The following FAM187A variants were observed in gnomAD, a reference collection of about 807,000 sequenced individuals.
FAM187A encodes the protein family with sequence similarity 187 member A, also known as Ig-like V-type domain-containing protein FAM187A.
FAM187A carries 4 observed loss-of-function variants against 6.4 expected under a neutral mutation model. That is an observed-to-expected ratio of 0.63 (90% CI 0.31 to 1.44). The LOEUF is 1.44. Ranked by LOEUF, FAM187A falls within the 40% of genes most tolerant of loss-of-function variation. The pLI is 0.07. For missense variants in FAM187A, 463 were observed against 542.2 expected, an observed-to-expected ratio of 0.85 and a Z score of 1.45; for synonymous variants, 221 against 213.4, an observed-to-expected ratio of 1.04 and a Z score of -0.31.
chr17:44,904,500 G>A (rs761338106), exon 4 of FAM187A: 12 of 1,549,074 alleles, frequency 7.7e-6, no homozygotes, highest in South Asian at 3.6e-5. Flanking sequence ...AGGAAGCTGC[G>A]GACCAAGGCC....
chr17:44,904,228 T>C, exon 4 of FAM187A: 2 of 1,550,546 alleles, frequency 1.3e-6, no homozygotes, highest in Non-Finnish European at 1.7e-6. Context: ...GGGACTACTT[T>C]TACGCCTACG....
exon 4 of FAM187A, chr17:44,904,431 C>T (rs1404828331): frequency 4.5e-6 from 7 of 1,541,112 alleles, no homozygotes; most frequent in Non-Finnish European, 6.1e-6. Flanking sequence ...CCAGACCTCT[C>T]CCCACGCTAC....
At chr17:44,905,141 G>A in exon 4 of FAM187A, 1 of 1,278,964 alleles carries the variant, frequency 7.8e-7, no homozygotes. Flanking sequence ...ATGTCTCTGG[G>A]TGGGTACCCT....
rs886053015 is a variant in FAM187A at position 44,903,604 on chromosome 17, C to T, written c.-226C>T. On this transcript the variant is annotated 5_prime_UTR_variant, in exon 4 of 4. Transcript: ENST00000331733. ...CCAGGTTCTAGAATGGCTTTCCCCC[C>T]CCACCCTGAGATCAGGTCTGGAATG... The T allele has an allele frequency of 1.0e-5, 14 of 1,405,360 alleles. No individual in the cohort carries two copies. The East Asian group carries it at 3.1e-4, about 31-fold the overall frequency. 87.1% of individuals were successfully genotyped at this position (1,405,360 alleles called of 1,614,324 possible).
chr17:44,904,633 G>A lies in FAM187A; in HGVS notation c.804G>A (p.Trp268Ter), dbSNP rs1567767755. Reference sequence around the variant, plus strand: ...TGTCCAAAGTGGGCAGCCGGCCCTGGGTGCCCCAGGTGCCCATTCAGTTCC... The same window carrying A: ...TGTCCAAAGTGGGCAGCCGGCCCTGAGTGCCCCAGGTGCCCATTCAGTTCC... Residue 268 changes from tryptophan to a stop codon, truncating the protein, a stop_gained, in exon 4 of 4, where the codon TGG (tryptophan) becomes TGA (stop). Coordinates refer to ENST00000331733, the Ensembl canonical transcript of FAM187A. LOFTEE classifies it low-confidence loss of function (END_TRUNC). The A allele has an allele frequency of 6.4e-7, 1 of 1,550,512 alleles. No individual in the cohort carries two copies.
At chr17:44,904,397 A>G (rs2051617086) in exon 4 of FAM187A, 2 of 1,542,560 alleles carry the variant, frequency 1.3e-6, no homozygotes, top group African/African-American at 2.7e-5. Context: ...GCAGTGGCGC[A>G]TCGGCCTCTG....
rs2051636034 is a variant in FAM187A at position 44,905,168 on chromosome 17, T to A, written c.*97T>A. 6.4e-6 allele frequency: 6 copies of A among 934,512 alleles called. No homozygotes were observed. The South Asian group carries it at 8.6e-5, about 13-fold the overall frequency. The allele number at this position is 934,512 out of a possible 1,614,324, so 57.9% of individuals were successfully genotyped here. ...GGGTACCCTGGGTTGGGACAGGTGG[T>A]AGGAACATGTGGACAAATCTGTTAC... On this transcript the variant is annotated 3_prime_UTR_variant, in exon 4 of 4. Transcript: ENST00000331733.
At chr17:44,903,543 G>A in exon 4 of FAM187A, 1 of 1,349,678 alleles carries the variant, frequency 7.4e-7, no homozygotes, top group Non-Finnish European at 9.5e-7. Context: ...ACCCATTCTT[G>A]GGTGAGCGCC....
chr17:44,903,859 G>A, exon 4 of FAM187A: 1 of 1,537,136 alleles, frequency 6.5e-7, no homozygotes, highest in Non-Finnish European at 8.8e-7. Flanking sequence ...CTGTGCTCCT[G>A]TGGGCATGGG....
At position 44,903,598 on chromosome 17, in the gene FAM187A, T is replaced by TC. The variant is rs200686466; in HGVS notation, c.-224dup. On this transcript the variant is annotated 5_prime_UTR_variant, in exon 4 of 4. It introduces an in-frame stop codon into an upstream open reading frame of the 5' UTR. Coordinates refer to ENST00000331733, the Ensembl canonical transcript of FAM187A. The stretch of plus-strand genomic sequence containing the variant: ...TAAAGGCCAGGTTCTAGAATGGCTT[T>TC]CCCCCCCCACCCTGAGATCAGGTCT... The TC allele has an allele frequency of 1.5e-4, 210 of 1,399,846 alleles. No homozygotes were observed. The highest frequency in any genetic ancestry group is 5.3e-4 in the Admixed American group (16 of 30,470). 86.7% of individuals were successfully genotyped at this position (1,399,846 alleles called of 1,614,324 possible).
chr17:44,905,242 T>G (rs2051637207), exon 4 of FAM187A: 1 of 615,726 alleles, frequency 1.6e-6, no homozygotes, highest in South Asian at 2.1e-5. Context: ...ATCTGAGAAG[T>G]GGAGGGGCCT....
exon 4 of FAM187A, chr17:44,904,828 C>T (rs1036635792): frequency 1.6e-5 from 25 of 1,550,574 alleles, no homozygotes; most frequent in Non-Finnish European, 2.2e-5. Context: ...TCCACATCCG[C>T]TTCACCCAGC....
At chr17:44,904,810 C>G (rs1327267257) in exon 4 of FAM187A, 2 of 1,550,572 alleles carry the variant, frequency 1.3e-6, no homozygotes, top group Non-Finnish European at 1.7e-6. Context: ...TTGACCACGG[C>G]AACCAGCTCC....
chr17:44,905,187 C>T, exon 4 of FAM187A: 1 of 765,048 alleles, frequency 1.3e-6, no homozygotes, highest in Non-Finnish European at 2.1e-6. Flanking sequence ...GTGGACAAAT[C>T]TGTTACAGCC....
rs1332793479 is a variant in FAM187A at position 44,903,875 on chromosome 17, C to T, written c.46C>T (p.Gln16Ter). 1.9e-6 allele frequency: 3 copies of T among 1,550,580 alleles called. No individual in the cohort carries two copies. Among genetic ancestry groups the T allele is most frequent in the Non-Finnish European group, 8.7e-7 (1 of 1,146,884 alleles). Residue 16 changes from glutamine (Q) to a stop codon, truncating the protein, a stop_gained, in exon 4 of 4, where the codon CAG (glutamine) becomes TAG (stop). Transcript: ENST00000331733. LOFTEE classifies it high-confidence loss of function. The stretch of plus-strand genomic sequence containing the variant: ...TGTGCTCCTGTGGGCATGGGGGCTC[C>T]AGGCCTTTGAAATTGTGGAGAAGGA...
exon 4 of FAM187A, chr17:44,904,894 C>T (rs1406282307): frequency 6.4e-7 from 1 of 1,550,550 alleles, no homozygotes; most frequent in Non-Finnish European, 8.7e-7. Flanking sequence ...TTGCTGGCTT[C>T]CGGCTGGGTG....
chr17:44,903,448 C>T (rs2145616449), exon 4 of FAM187A: 1 of 1,252,508 alleles, frequency 8.0e-7, no homozygotes, highest in Non-Finnish European at 1.0e-6. Context: ...TTCCACCAGG[C>T]TGGCAGGGCA....
chr17:44,904,495 G>A (rs1424634782), exon 4 of FAM187A: 30 of 1,548,788 alleles, frequency 1.9e-5, no homozygotes, highest in Non-Finnish European at 2.5e-5. Context: ...TGCCAAGGAA[G>A]CTGCGGACCA....
chr17:44,904,581 A>G (rs2051621709), exon 4 of FAM187A: 2 of 1,550,466 alleles, frequency 1.3e-6, no homozygotes, highest in Non-Finnish European at 1.7e-6. Context: ...ACCATCCGGG[A>G]GGGCGTGCTG....
Sources: gnomAD v4.1 joint callset for allele counts on GRCh38, gnomAD v4.1.1 for gene constraint, MANE v1.5 for transcripts, NCBI Gene and HGNC (gene_info 2026-07-23, HGNC 2026-07-21) for gene names.